Variants in TANC2 observed in about 807,000 individuals in gnomAD.
TANC2 encodes the protein tetratricopeptide repeat, ankyrin repeat and coiled-coil containing 2.
TANC2 carries 26 observed loss-of-function variants against 210.5 expected under a neutral mutation model. The ratio of observed to expected loss-of-function variants is 0.12; its 90% CI spans 0.09 to 0.17. TANC2 has a LOEUF of 0.17. Among genes scored for constraint, TANC2 ranks in the 10% least tolerant of loss-of-function variants. The pLI, the probability that TANC2 is intolerant of heterozygous loss-of-function variation, is 1.00. For missense variants in TANC2, 2,129 were observed against 2,608.9 expected (o/e 0.82, Z 4.01); for synonymous variants, 931 against 967.1 (o/e 0.96, Z 0.69).
rs182212161 is a variant in TANC2 at position 63,303,753 on chromosome 17, T to A, written c.1160-10635T>A. Among the ~76,000 whole-genome samples, 9 of 152,236 alleles carry A rather than the reference T, an allele frequency of 5.9e-5. No homozygotes were observed. The East Asian group carries it at 1.7e-3, about 29-fold the overall frequency. On this transcript the variant is annotated intron_variant, in intron 9 of 27. Coordinates refer to ENST00000689528, the Ensembl canonical transcript of TANC2. Reference sequence around the variant, plus strand: ...ACTCCAGTCAATCACAGGTTTGGTCTTTTTACATAGTCCCATATTTCTTGG... The same window carrying A: ...ACTCCAGTCAATCACAGGTTTGGTCATTTTACATAGTCCCATATTTCTTGG...
At chr17:63,100,407 G>A (rs537025116) in intron 4 of TANC2, among the ~76,000 whole-genome samples, 1 of 151,848 alleles carries the variant, frequency 6.6e-6, no homozygotes, top group East Asian at 1.9e-4. Context: ...AGTCACTTTG[G>A]CCGTTAGATA....
chr17:63,053,552 CTT>C (rs924575709), intron 2 of TANC2, among the ~76,000 whole-genome samples: 2 of 152,184 alleles, frequency 1.3e-5, no homozygotes, highest in Non-Finnish European at 2.9e-5. Flanking sequence ...TCTTTTCTCT[CTT>C]TTTGTGTCTC....
At chr17:63,411,615 G>A (rs750635698) in exon 22 of TANC2, 31 of 1,613,882 alleles carry the variant, frequency 1.9e-5, no homozygotes, top group Non-Finnish European at 4.2e-6. Context: ...TAACGGAGCT[G>A]CCACAGACCA....
intron 8 of TANC2, among the ~76,000 whole-genome samples, chr17:63,252,961 AT>A (rs1443341826): frequency 6.6e-6 from 1 of 152,068 alleles, no homozygotes; most frequent in Non-Finnish European, 1.5e-5. Flanking sequence ...GCAGATACTA[AT>A]TTTCCTTCTT....
intron 14 of TANC2, among the ~76,000 whole-genome samples, chr17:63,367,940 C>T (rs1248922173): frequency 6.6e-6 from 1 of 152,114 alleles, no homozygotes; most frequent in Non-Finnish European, 1.5e-5. Context: ...TGAAAGATAG[C>T]TCTGACAAGT....
intron 14 of TANC2, among the ~76,000 whole-genome samples, chr17:63,358,544 C>T (rs2046857682): frequency 6.6e-6 from 1 of 152,096 alleles, no homozygotes; most frequent in South Asian, 2.1e-4. Flanking sequence ...CTCTGTTTCC[C>T]ACTGTTCATC....
In TANC2 at chr17:63,267,800, T is replaced by C. The variant is rs201788663; in HGVS notation, c.1086T>C (p.His362=). The change falls in exon 9 of 28, where the codon CAT becomes CAC. Residue 362 remains histidine (H), a synonymous_variant. Coordinates refer to ENST00000689528, the Ensembl canonical transcript of TANC2. ...TTGCTTACCTGGATGAGCAGAGACATACACCTTTGAGAACTTCTCTACGAA... is the reference window on the plus strand; with the variant it reads ...TTGCTTACCTGGATGAGCAGAGACACACACCTTTGAGAACTTCTCTACGAA... 4.5e-4 allele frequency: 719 copies of C among 1,613,212 alleles called. 1 individual carries two copies. The highest frequency in any genetic ancestry group is 5.6e-4 in the Non-Finnish European group (664 of 1,179,418).
intron 17 of TANC2, 108 bp from the exon 18 acceptor site, chr17:63,395,635 G>T: frequency 9.8e-7 from 1 of 1,021,802 alleles, no homozygotes. Context: ...TCCAGGAGTG[G>T]AAAGGATGAT....
intron 5 of TANC2, among the ~76,000 whole-genome samples, chr17:63,177,263 T>TAAA (rs1350900508): frequency 1.4e-5 from 1 of 69,810 alleles, no homozygotes; most frequent in African/African-American, 6.6e-5. Flanking sequence ...AGACTCTGTC[T>TAAA]CAAAAAAAAA....
At chr17:63,346,151 A>C (rs1279877521) in intron 12 of TANC2, among the ~76,000 whole-genome samples, 2 of 152,210 alleles carry the variant, frequency 1.3e-5, no homozygotes, top group Non-Finnish European at 2.9e-5. Flanking sequence ...CCTAAATAGA[A>C]AAGTTGTATC....
chr17:63,278,485 T>A (rs2043961814), intron 9 of TANC2, among the ~76,000 whole-genome samples: 1 of 151,548 alleles, frequency 6.6e-6, no homozygotes, highest in African/African-American at 2.4e-5. Context: ...ATAACAAGTG[T>A]TGGTGAGGAT....
chr17:63,241,997 T>G (rs1012046281), intron 8 of TANC2, among the ~76,000 whole-genome samples: 3 of 152,192 alleles, frequency 2.0e-5, no homozygotes, highest in Non-Finnish European at 2.9e-5. Context: ...CAGTGCCTAA[T>G]AGTAAATTGG....
At chr17:63,208,264 A>G (rs527329394) in intron 7 of TANC2, among the ~76,000 whole-genome samples, 1 of 152,338 alleles carries the variant, frequency 6.6e-6, no homozygotes, top group South Asian at 2.1e-4. Flanking sequence ...ACAAATAACT[A>G]GTTCCATTAC....
At chr17:63,142,973 C>G (rs535634955) in intron 4 of TANC2, among the ~76,000 whole-genome samples, 1 of 152,116 alleles carries the variant, frequency 6.6e-6, no homozygotes, top group Non-Finnish European at 1.5e-5. Context: ...CTTCTTCTGT[C>G]TTACCCCCTC....
At chr17:62,974,646 A>G (rs2031898192) in intron 1 of TANC2, among the ~76,000 whole-genome samples, 1 of 152,198 alleles carries the variant, frequency 6.6e-6, no homozygotes. Flanking sequence ...AAAAGCTAAA[A>G]TTGTAATTCA....
At chr17:63,400,238 C>T (rs1016438794) in intron 19 of TANC2, among the ~76,000 whole-genome samples, 1 of 152,132 alleles carries the variant, frequency 6.6e-6, no homozygotes, top group Non-Finnish European at 1.5e-5. Context: ...GAGTCGTGTC[C>T]CCATGGTGAT....
chr17:63,065,062 C>G (rs2036148191), intron 2 of TANC2, among the ~76,000 whole-genome samples: 1 of 152,142 alleles, frequency 6.6e-6, no homozygotes, highest in Non-Finnish European at 1.5e-5. Context: ...CCTGCTCCCT[C>G]CAAGCCCCTA....
chr17:63,022,150 G>A (rs1420473613), intron 2 of TANC2, among the ~76,000 whole-genome samples: 1 of 151,894 alleles, frequency 6.6e-6, no homozygotes, highest in Admixed American at 6.6e-5. Flanking sequence ...ATCAGCCTGG[G>A]CAAGATGGTG....
intron 7 of TANC2, among the ~76,000 whole-genome samples, chr17:63,235,304 T>C (rs1014732648): frequency 7.2e-5 from 11 of 152,106 alleles, no homozygotes; most frequent in African/African-American, 2.7e-4. Flanking sequence ...CTTTCCAAAA[T>C]GAGCATAGGT....
Sources: allele counts gnomAD v4.1 joint callset (sites outside exome capture counted in the v4.1 genomes callset), GRCh38; gene constraint gnomAD v4.1.1; transcripts MANE v1.5; gene names NCBI Gene and HGNC (gene_info 2026-07-23, HGNC 2026-07-21).